Variants in TEX14 observed in about 807,000 individuals in gnomAD.
The protein encoded by TEX14 is testis expressed 14, intercellular bridge forming factor, also known as inactive serine/threonine-protein kinase TEX14.
A neutral mutation model predicts 178.6 loss-of-function variants in TEX14; 168 were observed. That is an observed-to-expected ratio of 0.94 (90% CI 0.83 to 1.07). The LOEUF is 1.07. TEX14 is among the 50% of genes least tolerant of loss of function. The probability of loss-of-function intolerance (pLI) is 0.00; values close to 1 mark genes in which losing one functional copy is unlikely to be tolerated. For missense variants in TEX14, 1,730 were observed against 1,753.6 expected (o/e 0.99, Z 0.24); for synonymous variants, 626 against 634.1 (o/e 0.99, Z 0.19).
chr17:58,627,660 C>T (rs1295851236), intron 3 of TEX14, among the ~76,000 whole-genome samples: 2 of 151,150 alleles, frequency 1.3e-5, no homozygotes, highest in East Asian at 3.9e-4. Context: ...ATCCCAGCTA[C>T]TCGGGAGGAT....
Position 58,651,879 on chromosome 17 carries a change from T to G in TEX14, c.123A>C (p.Lys41Asn), listed in dbSNP as rs1477071251. Residue 41 changes from lysine (K) to asparagine (N), a missense_variant, in exon 2 of 32, where the codon AAA becomes AAC. By Grantham distance (94) the Lys-to-Asn change is moderately conservative (BLOSUM62 0). Coordinates refer to ENST00000349033, the MANE Select transcript of TEX14 (RefSeq NM_031272.5). ...CATGGTGCTTACCTTTCTTAAGAAT[T>G]TTCTTCACTTTCACATAGTTCCCTT... ...VKQGNYVKVK[K>N]ILKKGIYVDA... The G allele has an allele frequency of 6.2e-7, 1 of 1,605,810 alleles. No homozygotes were observed. Among genetic ancestry groups the G allele is most frequent in the South Asian group, 1.1e-5 (1 of 88,998 alleles).
At chr17:58,591,514 A>G (rs2045141145) in intron 15 of TEX14, among the ~76,000 whole-genome samples, 1 of 152,104 alleles carries the variant, frequency 6.6e-6, no homozygotes, top group African/African-American at 2.4e-5. Flanking sequence ...GCGAAACTCC[A>G]TTTCAAAAAT....
chr17:58,579,798 T>C (rs897105417), intron 19 of TEX14, 67 bp from the exon 20 acceptor site: 9 of 1,247,336 alleles, frequency 7.2e-6, no homozygotes, highest in South Asian at 2.5e-5. Flanking sequence ...AAAAGGTCAA[T>C]AATTTCTTGA....
At chr17:58,584,702 G>T (rs1364230315) in intron 18 of TEX14, 102 bp from the exon 19 acceptor site, 9 of 907,196 alleles carry the variant, frequency 9.9e-6, no homozygotes, top group Non-Finnish European at 1.6e-5. Context: ...TACATATTCT[G>T]CCAAGAGTGG....
At position 58,598,899 on chromosome 17, in the gene TEX14, T is replaced by C. The variant is rs760602581; in HGVS notation, c.2446A>G (p.Thr816Ala). The change falls in exon 14 of 32, where the codon ACC (threonine) becomes GCC (alanine). Residue 816 changes from threonine to alanine, a missense_variant. Physicochemically the swap from Thr to Ala is moderately conservative, Grantham distance 58. This residue lies in a region of TEX14 where 941 missense variants were observed against 1,072.4 expected (regional missense o/e 0.88). Coordinates refer to ENST00000349033, the MANE Select transcript of TEX14 (RefSeq NM_031272.5). The stretch of plus-strand genomic sequence containing the variant: ...ACCATTCTTGGAAATCTTGGTAGGG[T>C]TGGGTAGTTGCCACTGGTGTCTGGC... ...QKPDTSGNYPTLPRFPRMLPT... is the reference protein window; with the variant it reads ...QKPDTSGNYPALPRFPRMLPT... The C allele has an allele frequency of 3.7e-5, 59 of 1,611,274 alleles. No individual in the cohort carries two copies. Among genetic ancestry groups the C allele is most frequent in the Admixed American group, 5.0e-5 (3 of 59,492 alleles).
intron 28 of TEX14, among the ~76,000 whole-genome samples, chr17:58,563,086 A>T (rs1598339933): frequency 7.0e-6 from 1 of 143,028 alleles, no homozygotes; most frequent in African/African-American, 2.6e-5. Flanking sequence ...AAAAAAAAAA[A>T]TTGCACTAAA....
chr17:58,570,394 G>C lies in TEX14; in HGVS notation c.3808C>G (p.Leu1270Val). ...ATTAAACACAGGGTACCTTTAGGCA[G>C]GCTCCTTCTCTGGGTGGCATGGGGT... ...SPPHATQRRS[L>V]PKVEAFSQHH... The change falls in exon 25 of 32, where the codon CTG becomes GTG. Residue 1270 changes from leucine (L) to valine (V), a missense_variant. This residue lies in a region of TEX14 where 941 missense variants were observed against 1,072.4 expected (regional missense o/e 0.88). Transcript: ENST00000349033. 6.6e-7 allele frequency: 1 copy of C among 1,513,680 alleles called. No individual in the cohort carries two copies. Among genetic ancestry groups the C allele is most frequent in the Admixed American group, 2.7e-5 (1 of 37,178 alleles). 93.8% of individuals were successfully genotyped at this position (1,513,680 alleles called of 1,614,324 possible).
chr17:58,691,011 G>A (rs1160909764), intron 1 of TEX14, among the ~76,000 whole-genome samples: 1 of 152,024 alleles, frequency 6.6e-6, no homozygotes, highest in Non-Finnish European at 1.5e-5. Context: ...ATGCCACCAT[G>A]CCCGGCTAAT....
At chr17:58,614,202 T>C (rs2045816646) in intron 8 of TEX14, among the ~76,000 whole-genome samples, 1 of 151,938 alleles carries the variant, frequency 6.6e-6, no homozygotes, top group Admixed American at 6.6e-5. Flanking sequence ...ATCAAGGAAA[T>C]GTCAGGGCCT....
chr17:58,640,132 G>A (rs1460522656), intron 2 of TEX14, among the ~76,000 whole-genome samples: 3 of 151,966 alleles, frequency 2.0e-5, no homozygotes, highest in Non-Finnish European at 4.4e-5. Context: ...CCAACATGGT[G>A]AAACCCTGTC....
intron 2 of TEX14, among the ~76,000 whole-genome samples, chr17:58,643,577 A>C (rs1019750607): frequency 6.6e-5 from 10 of 151,808 alleles, no homozygotes; most frequent in Non-Finnish European, 1.5e-4. Context: ...TGAAAAAAAA[A>C]AGTAACCTAG....
chr17:58,661,490 G>A, intron 1 of TEX14: 1 of 781,258 alleles, frequency 1.3e-6, no homozygotes, highest in South Asian at 1.3e-5. Flanking sequence ...GACTATTCGG[G>A]AACCGGTGGG....
intron 2 of TEX14, among the ~76,000 whole-genome samples, chr17:58,634,297 C>T (rs1433967852): frequency 6.6e-6 from 1 of 152,088 alleles, no homozygotes; most frequent in Non-Finnish European, 1.5e-5. Context: ...CCTGTAATGC[C>T]AGCTACTCAG....
intron 1 of TEX14, among the ~76,000 whole-genome samples, chr17:58,668,145 C>T (rs997991875): frequency 1.3e-5 from 2 of 152,150 alleles, no homozygotes; most frequent in African/African-American, 4.8e-5. Flanking sequence ...TCAGTTTAGC[C>T]AGAATTCCTC....
chr17:58,574,187 A>G lies in TEX14; in HGVS notation c.3383T>C (p.Ile1128Thr). The change falls in exon 22 of 32, where the codon ATA becomes ACA. Residue 1128 changes from isoleucine to threonine, a missense_variant and splice_region_variant. By Grantham distance (89) the Ile-to-Thr change is moderately conservative. Transcript: ENST00000349033. ...TAGGCATTCTCTTTGGTGATCATAC[A>G]TGTCTTTCTCTTTCAGTTCCTTTGG... ...ESPKELKEKDISLTDIQDLSS... is the reference protein window; with the variant it reads ...ESPKELKEKDTSLTDIQDLSS... 3.1e-6 allele frequency: 5 copies of G among 1,611,676 alleles called. No homozygotes were observed. Among genetic ancestry groups the G allele is most frequent in the Non-Finnish European group, 4.2e-6 (5 of 1,177,918 alleles).
At chr17:58,584,277 C>T (rs2044897324) in intron 19 of TEX14, among the ~76,000 whole-genome samples, 1 of 152,172 alleles carries the variant, frequency 6.6e-6, no homozygotes, top group Admixed American at 6.6e-5. Context: ...TCTGTACTCT[C>T]CCAATCTCCA....
chr17:58,652,189 A>G (rs188360333), intron 1 of TEX14, among the ~76,000 whole-genome samples, 187 bp from the exon 2 acceptor site: 1 of 152,322 alleles, frequency 6.6e-6, no homozygotes, highest in African/African-American at 2.4e-5. Context: ...AAAGAACTTG[A>G]ATATACTGTT....
intron 2 of TEX14, among the ~76,000 whole-genome samples, chr17:58,649,277 A>G (rs2046790150): frequency 6.6e-6 from 1 of 151,312 alleles, no homozygotes; most frequent in Admixed American, 6.6e-5. Context: ...ACTGGGTTTC[A>G]CCATGTTGGC....
At chr17:58,688,177 G>A (rs1391609992) in intron 1 of TEX14, among the ~76,000 whole-genome samples, 1 of 152,048 alleles carries the variant, frequency 6.6e-6, no homozygotes, top group African/African-American at 2.4e-5. Flanking sequence ...CTGGAGTACA[G>A]TGTCATAATA....
Sources: allele counts gnomAD v4.1 joint callset (sites outside exome capture counted in the v4.1 genomes callset), GRCh38; gene constraint gnomAD v4.1.1; regional missense constraint gnomAD v4.1.1; transcripts MANE v1.5; gene names NCBI Gene and HGNC (gene_info 2026-07-23, HGNC 2026-07-21).